Variants in TMEM132C observed in about 807,000 individuals in gnomAD.
TMEM132C encodes protein phosphatase 1, regulatory subunit 152.
A neutral mutation model predicts 61.4 loss-of-function variants in TMEM132C; 29 were observed. The observed-to-expected ratio is 0.47, with a 90% CI of 0.35 to 0.64. TMEM132C has a LOEUF of 0.64. Among genes scored for constraint, TMEM132C ranks in the 30% least tolerant of loss-of-function variants. The pLI is 0.00. For missense variants in TMEM132C, 1,408 were observed against 1,476.9 expected (o/e 0.95, Z 0.76); for synonymous variants, 656 against 633.1 (o/e 1.04, Z -0.54).
chr12:128,659,123 A>C (rs1954358713), intron 4 of TMEM132C, among the ~76,000 whole-genome samples: 1 of 152,196 alleles, frequency 6.6e-6, no homozygotes, highest in East Asian at 1.9e-4. Context: ...CTAGATAGTA[A>C]ATATTTTCAG....
At chr12:128,275,009 A>G (rs1870637510) in intron 1 of TMEM132C, among the ~76,000 whole-genome samples, 2 of 152,222 alleles carry the variant, frequency 1.3e-5, no homozygotes, top group South Asian at 4.1e-4. Context: ...CTCCCAGAGA[A>G]AAACTGAAGA....
chr12:128,475,824 A>G (rs1871137668), intron 2 of TMEM132C, among the ~76,000 whole-genome samples: 1 of 152,120 alleles, frequency 6.6e-6, no homozygotes, highest in Non-Finnish European at 1.5e-5. Context: ...TACGAGGTAG[A>G]CCCTGGGCCA....
Position 128,694,023 on chromosome 12 carries a change from G to A in TMEM132C, c.1644G>A (p.Val548=). 1 of 1,551,672 alleles carries A rather than the reference G, an allele frequency of 6.4e-7. No homozygotes were observed. Among genetic ancestry groups the A allele is most frequent in the Non-Finnish European group, 8.7e-7 (1 of 1,146,988 alleles). ...SQIKGWRVPI[V]TNKRPTRESE... ...TAAAGGGCTGGAGGGTCCCCATTGT[G>A]ACCAATAAGAGGTGAGCCTCGGATG... The change falls in exon 6 of 9, where the codon GTG becomes GTA. Residue 548 remains valine (V), a synonymous_variant. Transcript: ENST00000435159.
intron 2 of TMEM132C, among the ~76,000 whole-genome samples, chr12:128,445,159 C>CT (rs368307314): frequency 2.3e-4 from 35 of 150,562 alleles, no homozygotes; most frequent in African/African-American, 8.6e-4. Flanking sequence ...AAATTGTCGA[C>CT]TTTTTTTCTT....
chr12:128,321,403 C>G (rs1872329422), intron 1 of TMEM132C, among the ~76,000 whole-genome samples: 1 of 151,984 alleles, frequency 6.6e-6, no homozygotes, highest in South Asian at 2.1e-4. Context: ...TCATATGATC[C>G]CACCCAAATA....
chr12:128,696,235 C>A (rs904070407), intron 7 of TMEM132C, 132 bp downstream of exon 7: 2 of 1,273,192 alleles, frequency 1.6e-6, no homozygotes, highest in Non-Finnish European at 2.1e-6. Context: ...GGAAGATGAG[C>A]CCAGGCCAGA....
chr12:128,588,270 CA>C (rs1418188971), intron 3 of TMEM132C, among the ~76,000 whole-genome samples: 1 of 152,048 alleles, frequency 6.6e-6, no homozygotes, highest in African/African-American at 2.4e-5. Flanking sequence ...CCCATCTCTA[CA>C]AAAAATTTTT....
At chr12:128,281,941 A>G (rs1377060192) in intron 1 of TMEM132C, among the ~76,000 whole-genome samples, 1 of 152,220 alleles carries the variant, frequency 6.6e-6, no homozygotes, top group African/African-American at 2.4e-5. Context: ...GTTCCTTCAT[A>G]AAAGGGACTT....
intron 3 of TMEM132C, among the ~76,000 whole-genome samples, chr12:128,546,450 G>C (rs1347769998): frequency 5.3e-5 from 8 of 152,154 alleles, no homozygotes; most frequent in Admixed American, 5.2e-4. Flanking sequence ...ATAGTGTCGA[G>C]TCCTGAAGGG....
chr12:128,326,796 A>T lies in TMEM132C; in HGVS notation c.85+59309A>T, dbSNP rs1872535090. ...CACATCTCGTTACCGACTTCACAAT[A>T]TTTTTTTTTTCTTTCTTAACAACGT... is the stretch of plus-strand genomic sequence containing the variant. On this transcript the variant is annotated intron_variant, in intron 1 of 8. Transcript: ENST00000435159. The surrounding 1 kb of genome is among the most constrained non-coding windows in gnomAD (Gnocchi z 5.6). Among the ~76,000 whole-genome samples the T allele has an allele frequency of 7.2e-6, 1 of 138,632 alleles. No homozygotes were observed. Among genetic ancestry groups the T allele is most frequent in the Non-Finnish European group, 1.5e-5 (1 of 67,394 alleles). 90.9% of individuals were successfully genotyped at this position (138,632 alleles called of 152,430 possible). A position where few individuals can be genotyped will look rare whatever the true frequency, so the allele number is the denominator to read the frequency against.
intron 1 of TMEM132C, among the ~76,000 whole-genome samples, chr12:128,319,148 C>T (rs1415626649): frequency 6.6e-6 from 1 of 152,170 alleles, no homozygotes; most frequent in African/African-American, 2.4e-5. Flanking sequence ...CTTTGTAGAG[C>T]AGGCCTCCTT....
chr12:128,422,479 G>T (rs1204300341), intron 2 of TMEM132C, among the ~76,000 whole-genome samples: 2 of 152,174 alleles, frequency 1.3e-5, no homozygotes, highest in East Asian at 3.9e-4. Flanking sequence ...ATTGAACAGT[G>T]TGATTCATAG....
chr12:128,527,495 C>T (rs1325268867), intron 2 of TMEM132C, among the ~76,000 whole-genome samples: 1 of 152,194 alleles, frequency 6.6e-6, no homozygotes, highest in Non-Finnish European at 1.5e-5. Context: ...GCCACTGAGT[C>T]TCTCAAGGAA....
chr12:128,318,262 CT>C (rs1872217757), intron 1 of TMEM132C, among the ~76,000 whole-genome samples: 1 of 152,130 alleles, frequency 6.6e-6, no homozygotes, highest in Admixed American at 6.5e-5. Context: ...ACAAATGGCT[CT>C]TTATCAGTAA....
At chr12:128,583,864 C>A (rs1875440503) in intron 3 of TMEM132C, among the ~76,000 whole-genome samples, 1 of 152,200 alleles carries the variant, frequency 6.6e-6, no homozygotes. Flanking sequence ...TTCACTCCTG[C>A]AGAGAAAAAG....
intron 1 of TMEM132C, among the ~76,000 whole-genome samples, chr12:128,350,704 A>C (rs1345440552): frequency 6.6e-6 from 1 of 150,874 alleles, no homozygotes; most frequent in Non-Finnish European, 1.5e-5. Flanking sequence ...CCCAGTATCC[A>C]CTCTCCCTTT....
intron 2 of TMEM132C, among the ~76,000 whole-genome samples, chr12:128,423,146 A>T (rs1170430946): frequency 6.6e-6 from 1 of 152,216 alleles, no homozygotes; most frequent in Admixed American, 6.5e-5. Context: ...AGACAGAACG[A>T]AAGAGAGACT....
intron 1 of TMEM132C, among the ~76,000 whole-genome samples, chr12:128,310,611 G>A (rs1030255900): frequency 1.3e-5 from 2 of 152,096 alleles, no homozygotes; most frequent in East Asian, 3.9e-4. Context: ...TCACCAAGGA[G>A]ATGAACAAGC....
intron 2 of TMEM132C, among the ~76,000 whole-genome samples, chr12:128,470,672 C>T (rs77763366): frequency 0.063 from 9,614 of 152,280 alleles, 392 homozygotes; most frequent in Middle Eastern, 0.1. Context: ...GGATTCCGTT[C>T]AGTCAAATTT....
Sources: gnomAD v4.1 joint callset for allele counts (sites outside exome capture counted in the v4.1 genomes callset) on GRCh38, gnomAD v4.1.1 for gene constraint, Gnocchi (gnomAD v3.1) non-coding constraint, MANE v1.5 for transcripts, NCBI Gene and HGNC (gene_info 2026-07-23, HGNC 2026-07-21) for gene names.